Variants in DNAH10 observed in about 807,000 individuals in gnomAD.
DNAH10 encodes the protein dynein axonemal heavy chain 10.
A neutral mutation model predicts 506.6 loss-of-function variants in DNAH10; 348 were observed. The observed-to-expected ratio is 0.69, with a 90% CI of 0.63 to 0.75. DNAH10 has a LOEUF of 0.75. Ranked by LOEUF, DNAH10 falls within the 30% of genes least tolerant of loss-of-function variation. The pLI is 0.00. For synonymous variants in DNAH10, 2,059 were observed against 2,198.6 expected (o/e 0.94, Z 1.78); for missense variants, 5,179 against 5,787.1 (o/e 0.89, Z 3.41).
chr12:123,803,825 G>A lies in DNAH10; in HGVS notation c.2779G>A (p.Gly927Ser). 1 of 1,609,428 alleles carries A rather than the reference G, an allele frequency of 6.2e-7. No individual in the cohort carries two copies. Among genetic ancestry groups the A allele is most frequent in the Non-Finnish European group, 8.5e-7 (1 of 1,178,964 alleles). The change falls in exon 17 of 79, where the codon GGC becomes AGC. Residue 927 changes from glycine (G) to serine (S), a missense_variant and splice_region_variant. Around this residue, in one of 3 missense-constraint regions of DNAH10, gnomAD observed 4,844 missense variants for 5,430.5 expected, o/e 0.89. Transcript: ENST00000673944. ...PAAKSEEELP[G>S]VKEFFEHIER... Reference sequence around the variant, plus strand: ...CGCTAAAAGTGAGGAAGAACTCCCAGGTAGATCTGACTTCTGGGTTCTCCA... The same window carrying A: ...CGCTAAAAGTGAGGAAGAACTCCCAAGTAGATCTGACTTCTGGGTTCTCCA...
chr12:123,912,765 G>A (rs749673732), intron 59 of DNAH10, among the ~76,000 whole-genome samples: 39 of 152,322 alleles, frequency 2.6e-4, no homozygotes, highest in Middle Eastern at 3.4e-3. Flanking sequence ...TATTCAGAAA[G>A]CTTGGAACCA....
In DNAH10 at chr12:123,846,251, G is replaced by A. The variant is rs1231339330; in HGVS notation, c.5814+97G>A. ...GATGACTGCAGTGATTGAAATAGCA[G>A]GGGAGATCATTGCTTTGAAATCTCG... On this transcript the variant is annotated intron_variant, in intron 32 of 78. Coordinates refer to ENST00000673944, the MANE Select transcript of DNAH10 (RefSeq NM_001372106.1). The surrounding 1 kb of genome is among the most constrained non-coding windows in gnomAD (Gnocchi z 4.5). The A allele has an allele frequency of 2.9e-6, 4 of 1,373,312 alleles. No homozygotes were observed. Among genetic ancestry groups the A allele is most frequent in the Non-Finnish European group, 3.9e-6 (4 of 1,026,374 alleles). 85.1% of individuals were successfully genotyped at this position (1,373,312 alleles called of 1,614,324 possible).
chr12:123,821,986 A>G (rs1473919314), intron 24 of DNAH10, among the ~76,000 whole-genome samples: 1 of 152,170 alleles, frequency 6.6e-6, no homozygotes, highest in Non-Finnish European at 1.5e-5. Context: ...CGGGTGGATC[A>G]CTTGAGGCCA....
intron 52 of DNAH10, among the ~76,000 whole-genome samples, chr12:123,889,703 C>A (rs1313987226): frequency 6.6e-6 from 1 of 152,136 alleles, no homozygotes; most frequent in Non-Finnish European, 1.5e-5. Flanking sequence ...GATCACACTC[C>A]CTATGGCTGC....
intron 19 of DNAH10, among the ~76,000 whole-genome samples, chr12:123,811,034 A>C (rs1399398923): frequency 6.6e-6 from 1 of 152,226 alleles, no homozygotes; most frequent in Non-Finnish European, 1.5e-5. Flanking sequence ...AGATAAGGTT[A>C]AAAATGTATT....
chr12:123,924,253 C>T (rs779566097), intron 66 of DNAH10, 25 bp from the exon 67 acceptor site: 1 of 1,585,634 alleles, frequency 6.3e-7, no homozygotes, highest in Non-Finnish European at 8.6e-7. Context: ...ACAATGGCTG[C>T]TTGCTTCTCT....
intron 21 of DNAH10, among the ~76,000 whole-genome samples, chr12:123,817,471 G>A (rs114893397): frequency 0.021 from 3,230 of 151,738 alleles, 41 homozygotes; most frequent in Middle Eastern, 0.041. Context: ...TGCTTTTCCC[G>A]GTTCCTTAAA....
Position 123,857,185 on chromosome 12 carries a change from G to A in DNAH10, c.6568G>A (p.Asp2190Asn), listed in dbSNP as rs1566002096. 2 of 1,609,252 alleles carry A rather than the reference G, an allele frequency of 1.2e-6. No homozygotes were observed. Among genetic ancestry groups the A allele is most frequent in the Non-Finnish European group, 1.7e-6 (2 of 1,177,850 alleles). Reference protein sequence around the residue: ...GLDCPRVRYPDFNDAVEQVLE... With the variant: ...GLDCPRVRYPNFNDAVEQVLE... ...GGACTGCCCTCGCGTCCGCTACCCT[G>A]ACTTCAACGATGCGGTAGAGCAGGT... Residue 2190 changes from aspartate to asparagine, a missense_variant, in exon 37 of 79, where the codon GAC (aspartate) becomes AAC (asparagine). Asp to Asn is a conservative substitution (Grantham distance 23). Coordinates refer to ENST00000673944, the MANE Select transcript of DNAH10 (RefSeq NM_001372106.1).
chr12:123,840,394 GTTTTTTTTTTTTTTT>G (rs71088961), intron 29 of DNAH10, among the ~76,000 whole-genome samples: 10 of 37,758 alleles, frequency 2.6e-4, no homozygotes, highest in African/African-American at 8.9e-4. Context: ...TCTGTTTCCA[GTTTTTTTTTTTTTTT>G]TTTTTTTTTT....
chr12:123,857,031 G>A (rs1424185726), intron 36 of DNAH10, 25 bp from the exon 37 acceptor site: 16 of 1,586,994 alleles, frequency 1.0e-5, no homozygotes, highest in Non-Finnish European at 1.4e-5. Context: ...AAATCTCTTG[G>A]AAACATGTGT....
intron 28 of DNAH10, among the ~76,000 whole-genome samples, chr12:123,835,773 T>C (rs984622991): frequency 1.3e-5 from 2 of 152,262 alleles, no homozygotes; most frequent in African/African-American, 4.8e-5. Flanking sequence ...TACAGGCATG[T>C]GCTGCCATGC....
At chr12:123,818,644 T>C (rs1204192654) in intron 21 of DNAH10, among the ~76,000 whole-genome samples, 2 of 152,130 alleles carry the variant, frequency 1.3e-5, no homozygotes, top group African/African-American at 4.8e-5. Context: ...TTTTAAAATT[T>C]CTTTTTCTTT....
intron 32 of DNAH10, among the ~76,000 whole-genome samples, chr12:123,847,080 GTATC>G (rs536992258): frequency 4.7e-5 from 7 of 149,398 alleles, no homozygotes; most frequent in East Asian, 1.9e-4. Context: ...GTCTGTCTGT[GTATC>G]TATCTATCTA....
In DNAH10 at chr12:123,925,398, G is replaced by C; in HGVS notation, c.11921+194G>C. Reference sequence around the variant, plus strand: ...AACAGTGCTAGTCATAAGAAATTCAGTGTGAGCCACATATGCAGTTTCGAA... The same window carrying C: ...AACAGTGCTAGTCATAAGAAATTCACTGTGAGCCACATATGCAGTTTCGAA... On this transcript the variant is annotated intron_variant, in intron 68 of 78. Coordinates refer to ENST00000673944, the MANE Select transcript of DNAH10 (RefSeq NM_001372106.1). The surrounding 1 kb of genome is among the most constrained non-coding windows in gnomAD (Gnocchi z 4.0). The C allele has an allele frequency of 1.5e-6, 1 of 679,426 alleles. No individual in the cohort carries two copies. The highest frequency in any genetic ancestry group is 3.7e-5 in the South Asian group (1 of 27,200). The allele number at this position is 679,426 out of a possible 1,614,324, so 42.1% of individuals were successfully genotyped here.
chr12:123,817,099 CTTTTTT>C (rs755698934), intron 21 of DNAH10, among the ~76,000 whole-genome samples: 1 of 87,014 alleles, frequency 1.1e-5, no homozygotes, highest in Non-Finnish European at 2.3e-5. Context: ...TCCAGTCTAA[CTTTTTT>C]TTTTTTTTTT....
At chr12:123,828,719 T>G (rs1960235396) in intron 25 of DNAH10, among the ~76,000 whole-genome samples, 1 of 152,232 alleles carries the variant, frequency 6.6e-6, no homozygotes, top group Non-Finnish European at 1.5e-5. Context: ...TATGTTTTCC[T>G]GTCTGCTCTT....
intron 40 of DNAH10, 147 bp from the exon 41 acceptor site, chr12:123,865,804 A>T: frequency 1.5e-6 from 1 of 676,394 alleles, no homozygotes; most frequent in Non-Finnish European, 2.2e-6. Flanking sequence ...CCAGGTGTTC[A>T]GTTAAAAAGC....
intron 24 of DNAH10, among the ~76,000 whole-genome samples, chr12:123,821,617 G>A (rs1212483021): frequency 6.6e-6 from 1 of 152,168 alleles, no homozygotes; most frequent in Non-Finnish European, 1.5e-5. Context: ...ACAGGCATGA[G>A]CCATTGCACC....
intron 29 of DNAH10, among the ~76,000 whole-genome samples, chr12:123,839,052 A>G (rs928402176): frequency 2.0e-5 from 3 of 152,068 alleles, no homozygotes; most frequent in Non-Finnish European, 2.9e-5. Flanking sequence ...GAGCTCAAGC[A>G]ATGCTCCCAC....
Sources: gnomAD v4.1 joint callset for allele counts (sites outside exome capture counted in the v4.1 genomes callset) on GRCh38, gnomAD v4.1.1 for gene constraint, gnomAD v4.1.1 regional missense constraint, Gnocchi (gnomAD v3.1) non-coding constraint, MANE v1.5 for transcripts, NCBI Gene and HGNC (gene_info 2026-07-23, HGNC 2026-07-21) for gene names.